MFSD2A: variants seen among roughly 807,000 people sequenced by gnomAD.
The protein encoded by MFSD2A is MFSD2 lysolipid transporter A, lysophospholipid.
A neutral mutation model predicts 64.7 loss-of-function variants in MFSD2A; 27 were observed. The ratio of observed to expected loss-of-function variants is 0.42; its 90% CI spans 0.31 to 0.58. The LOEUF (loss-of-function observed/expected upper bound fraction) is 0.58. MFSD2A is among the 20% of genes least tolerant of loss of function. MFSD2A has a pLI of 0.18. For missense variants in MFSD2A, 474 were observed against 679.5 expected (o/e 0.70, Z 3.36); for synonymous variants, 258 against 273.4 (o/e 0.94, Z 0.55).
chr1:39,959,070 C>T (rs905205633), intron 3 of MFSD2A, among the ~76,000 whole-genome samples: 24 of 152,154 alleles, frequency 1.6e-4, no homozygotes, highest in African/African-American at 5.1e-4. Context: ...CATTCCTCCC[C>T]AGGGTCCACT....
chr1:39,965,989 A>G lies in MFSD2A; in HGVS notation c.689A>G (p.His230Arg), dbSNP rs535835616. 21 of 1,614,142 alleles carry G rather than the reference A, an allele frequency of 1.3e-5. No homozygotes were observed. The African/African-American group carries it at 2.4e-4, about 18-fold the overall frequency. ...GCTTCACAAAGTGCCAACCATACAC[A>G]TGGCACCACCTCACACAGGGAAACG... ...TVASQSANHTHGTTSHRETQK... is the reference protein window; with the variant it reads ...TVASQSANHTRGTTSHRETQK... The change falls in exon 6 of 14, where the codon CAT becomes CGT. Residue 230 changes from histidine (H) to arginine (R), a missense_variant. His to Arg is a conservative substitution (Grantham distance 29, BLOSUM62 0). Transcript: ENST00000372811. This position sits in a 1 kb window ranked among gnomAD's most constrained non-coding sequence, Gnocchi z 5.5.
rs969183707 is a variant in MFSD2A, at chr1:39,964,260, A to G, written c.354-951A>G. 2.6e-5 allele frequency: 4 copies of G among 152,236 alleles called. No individual in the cohort carries two copies. Among genetic ancestry groups the G allele is most frequent in the Non-Finnish European group, 5.9e-5 (4 of 68,042 alleles). 9.4% of individuals were successfully genotyped at this position (152,236 alleles called of 1,614,324 possible). A position where few individuals can be genotyped will look rare whatever the true frequency, so the allele number is the denominator to read the frequency against. On this transcript the variant is annotated intron_variant, in intron 3 of 13. Transcript: ENST00000372811. This position sits in a 1 kb window ranked among gnomAD's most constrained non-coding sequence, Gnocchi z 4.1. The stretch of plus-strand genomic sequence containing the variant: ...TCAACTTTTCTGTTTGCCAACTAGT[A>G]TGTAAGTTCCACAAGGGCAATGATT...
chr1:39,968,516 C>T lies in MFSD2A; in HGVS notation c.1352+39C>T, dbSNP rs1476272726. On this transcript the variant is annotated intron_variant, in intron 12 of 13. Transcript: ENST00000372811. The surrounding 1 kb of genome is among the most constrained non-coding windows in gnomAD (Gnocchi z 4.4). ...GGACCTGGGGCAGGACTGGGCAGGG[C>T]CAGGCCCCAGGTGCCCCATCTTCAC... 6.2e-7 allele frequency: 1 copy of T among 1,613,578 alleles called. No individual in the cohort carries two copies. Among genetic ancestry groups the T allele is most frequent in the East Asian group, 2.2e-5 (1 of 44,872 alleles).
chr1:39,955,355 C>T lies in MFSD2A; in HGVS notation c.63C>T (p.Leu21=), dbSNP rs1644902632. The stretch of plus-strand genomic sequence containing the variant: ...CGGGGCTGCTACCCACCAGCATCCT[C>T]CAAAGCACTGAACGCCCGGCCCAGG... The part of the protein sequence containing the change: ...SAAGLLPTSI[L]QSTERPAQVK... Residue 21 remains leucine, a synonymous_variant, in exon 1 of 14, where the codon CTC becomes CTT. Coordinates refer to ENST00000372811, the MANE Select transcript of MFSD2A (RefSeq NM_032793.5). The surrounding 1 kb of genome is among the most constrained non-coding windows in gnomAD (Gnocchi z 5.9). The T allele has an allele frequency of 1.3e-6, 2 of 1,492,466 alleles. No homozygotes were observed. The highest frequency in any genetic ancestry group is 1.4e-5 in the African/African-American group (1 of 70,232). The allele number at this position is 1,492,466 out of a possible 1,614,324, so 92.5% of individuals were successfully genotyped here. A position where few individuals can be genotyped will look rare whatever the true frequency, so the allele number is the denominator to read the frequency against.
Position 39,965,852 on chromosome 1 carries a change from G to A in MFSD2A, c.557-5G>A. On this transcript the variant is annotated splice_region_variant and splice_polypyrimidine_tract_variant and intron_variant, in intron 5 of 13. Coordinates refer to ENST00000372811, the MANE Select transcript of MFSD2A (RefSeq NM_032793.5). This position sits in a 1 kb window ranked among gnomAD's most constrained non-coding sequence, Gnocchi z 5.5. Reference sequence around the variant, plus strand: ...CCTCCAAAACACCTCCTTTTCTCCTGCCAGGGATGACTGTGGAAGTGCTGG... The same window carrying A: ...CCTCCAAAACACCTCCTTTTCTCCTACCAGGGATGACTGTGGAAGTGCTGG... 1 of 1,613,552 alleles carries A rather than the reference G, an allele frequency of 6.2e-7. No individual in the cohort carries two copies. The highest frequency in any genetic ancestry group is 8.5e-7 in the Non-Finnish European group (1 of 1,179,958).
At chr1:39,961,317 C>T (rs1054392474) in intron 3 of MFSD2A, among the ~76,000 whole-genome samples, 3 of 2,678 alleles carry the variant, frequency 1.1e-3, no homozygotes, top group Non-Finnish European at 4.1e-3. Flanking sequence ...GACTTTTCTT[C>T]CCGCCCCCGC....
Position 39,968,073 on chromosome 1 carries a change from A to C in MFSD2A, c.1208+157A>C. 3.1e-6 allele frequency: 2 copies of C among 638,794 alleles called. No homozygotes were observed. The highest frequency in any genetic ancestry group is 3.9e-5 in the South Asian group (2 of 50,662). 39.6% of individuals were successfully genotyped at this position (638,794 alleles called of 1,614,324 possible). A position where few individuals can be genotyped will look rare whatever the true frequency, so the allele number is the denominator to read the frequency against. On this transcript the variant is annotated intron_variant, in intron 11 of 13. Coordinates refer to ENST00000372811, the MANE Select transcript of MFSD2A (RefSeq NM_032793.5). This position sits in a 1 kb window ranked among gnomAD's most constrained non-coding sequence, Gnocchi z 4.4. ...GTCTGTCCTGTACAGTTGTACAGGTAGTGAGCTTTGCAAGAACACCTAGTC... is the reference window on the plus strand; with the variant it reads ...GTCTGTCCTGTACAGTTGTACAGGTCGTGAGCTTTGCAAGAACACCTAGTC...
In MFSD2A at chr1:39,955,847, C is replaced by G. The variant is rs1239806538; in HGVS notation, c.93+462C>G. ...CATTCATAAGAACAAGAGCTCTGCT[C>G]TTAAAGGAGCCGCGTCCCTCAGGCA... is the stretch of plus-strand genomic sequence containing the variant. On this transcript the variant is annotated intron_variant, in intron 1 of 13. Coordinates refer to ENST00000372811, the MANE Select transcript of MFSD2A (RefSeq NM_032793.5). This position sits in a 1 kb window ranked among gnomAD's most constrained non-coding sequence, Gnocchi z 5.9. The G allele has an allele frequency of 1.1e-5, 3 of 283,970 alleles. No individual in the cohort carries two copies. The highest frequency in any genetic ancestry group is 1.0e-4 in the Admixed American group (2 of 19,488). 17.6% of individuals were successfully genotyped at this position (283,970 alleles called of 1,614,324 possible). A position where few individuals can be genotyped will look rare whatever the true frequency, so the allele number is the denominator to read the frequency against.
Position 39,964,904 on chromosome 1 carries a change from G to C in MFSD2A, c.354-307G>C, listed in dbSNP as rs1645124253. On this transcript the variant is annotated intron_variant, in intron 3 of 13. Coordinates refer to ENST00000372811, the MANE Select transcript of MFSD2A (RefSeq NM_032793.5). The surrounding 1 kb of genome is among the most constrained non-coding windows in gnomAD (Gnocchi z 4.1). Reference sequence around the variant, plus strand: ...TTTGCCTCCTTGCCCAGGCACCTGAGGTCTTGGACTCCTGTCCTAACTCTC... The same window carrying C: ...TTTGCCTCCTTGCCCAGGCACCTGACGTCTTGGACTCCTGTCCTAACTCTC... 2.5e-6 allele frequency: 1 copy of C among 395,098 alleles called. No homozygotes were observed. Among genetic ancestry groups the C allele is most frequent in the Non-Finnish European group, 4.7e-6 (1 of 214,662 alleles). The allele number at this position is 395,098 out of a possible 1,614,324, so 24.5% of individuals were successfully genotyped here. A position where few individuals can be genotyped will look rare whatever the true frequency, so the allele number is the denominator to read the frequency against.
intron 3 of MFSD2A, among the ~76,000 whole-genome samples, chr1:39,961,537 C>G (rs763156852): frequency 5.3e-5 from 8 of 151,812 alleles, no homozygotes; most frequent in Non-Finnish European, 1.0e-4. Context: ...TTAGTAGAGA[C>G]GAGGTTTCAC....
chr1:39,955,626 G>A lies in MFSD2A; in HGVS notation c.93+241G>A. 2.9e-6 allele frequency: 2 copies of A among 687,610 alleles called. No homozygotes were observed. The highest frequency in any genetic ancestry group is 1.8e-5 in the African/African-American group (1 of 57,034). 42.6% of individuals were successfully genotyped at this position (687,610 alleles called of 1,614,324 possible). A position where few individuals can be genotyped will look rare whatever the true frequency, so the allele number is the denominator to read the frequency against. On this transcript the variant is annotated intron_variant, in intron 1 of 13. Coordinates refer to ENST00000372811, the MANE Select transcript of MFSD2A (RefSeq NM_032793.5). This position sits in a 1 kb window ranked among gnomAD's most constrained non-coding sequence, Gnocchi z 5.9. ...GCTCTGCGGAGAGGCTCTGCCGGCAGCCCCATGTGATTCCCCGCTCTGCCT... is the reference window on the plus strand; with the variant it reads ...GCTCTGCGGAGAGGCTCTGCCGGCAACCCCATGTGATTCCCCGCTCTGCCT...
chr1:39,958,920 G>A lies in MFSD2A; in HGVS notation c.353+95G>A. 7.1e-7 allele frequency: 1 copy of A among 1,415,088 alleles called. No homozygotes were observed. Among genetic ancestry groups the A allele is most frequent in the Non-Finnish European group, 9.5e-7 (1 of 1,047,738 alleles). 87.7% of individuals were successfully genotyped at this position (1,415,088 alleles called of 1,614,324 possible). On this transcript the variant is annotated intron_variant, in intron 3 of 13. Coordinates refer to ENST00000372811, the MANE Select transcript of MFSD2A (RefSeq NM_032793.5). This position sits in a 1 kb window ranked among gnomAD's most constrained non-coding sequence, Gnocchi z 4.7. The stretch of plus-strand genomic sequence containing the variant: ...TCTCTGTCTTGTCACAGGCAGAAGG[G>A]TGAGGAGAAGGAAGGAGTTAAAAGC...
chr1:39,967,518 A>G (rs1645189967), intron 9 of MFSD2A, 110 bp from the exon 10 acceptor site: 2 of 973,822 alleles, frequency 2.1e-6, no homozygotes, highest in Non-Finnish European at 3.3e-6. Flanking sequence ...ACATGATGTC[A>G]TCTGGCTGCT....
intron 3 of MFSD2A, among the ~76,000 whole-genome samples, chr1:39,959,236 TTCTA>T (rs544557344): frequency 1.7e-3 from 265 of 151,948 alleles, no homozygotes; most frequent in African/African-American, 6.0e-3. Context: ...CTTTCTTTCT[TTCTA>T]TCTTTCTTTC....
Position 39,968,547 on chromosome 1 carries a change from T to C in MFSD2A, c.1353-22T>C, listed in dbSNP as rs560100382. Reference sequence around the variant, plus strand: ...CCCAGGTGCCCCATCTTCACCGTTCTCCTACCCCCTGGGTCCCATAGCTTT... The same window carrying C: ...CCCAGGTGCCCCATCTTCACCGTTCCCCTACCCCCTGGGTCCCATAGCTTT... On this transcript the variant is annotated intron_variant, in intron 12 of 13. Transcript: ENST00000372811. The surrounding 1 kb of genome is among the most constrained non-coding windows in gnomAD (Gnocchi z 4.4). 4.3e-6 allele frequency: 7 copies of C among 1,613,870 alleles called. 1 individual carries two copies. The highest frequency in any genetic ancestry group is 1.6e-4 in the Middle Eastern group (1 of 6,062).
In MFSD2A at chr1:39,968,126, G is replaced by A. The variant is rs1557640307; in HGVS notation, c.1209-208G>A. 3.0e-6 allele frequency: 2 copies of A among 671,910 alleles called. No individual in the cohort carries two copies. Among genetic ancestry groups the A allele is most frequent in the Non-Finnish European group, 5.0e-6 (2 of 400,880 alleles). The allele number at this position is 671,910 out of a possible 1,614,324, so 41.6% of individuals were successfully genotyped here. On this transcript the variant is annotated intron_variant, in intron 11 of 13. Coordinates refer to ENST00000372811, the MANE Select transcript of MFSD2A (RefSeq NM_032793.5). The surrounding 1 kb of genome is among the most constrained non-coding windows in gnomAD (Gnocchi z 4.4). Reference sequence around the variant, plus strand: ...AGTGAAAAATGGGGGCTGTAATCTGGCCTGGGCTCCACTTGCCACGCTGAG... The same window carrying A: ...AGTGAAAAATGGGGGCTGTAATCTGACCTGGGCTCCACTTGCCACGCTGAG...
At chr1:39,962,831 CTT>C in intron 3 of MFSD2A, 1 of 1,475,756 alleles carries the variant, frequency 6.8e-7, no homozygotes, top group Non-Finnish European at 9.3e-7. Flanking sequence ...AGATCATTGA[CTT>C]TTTCCTGGGG....
intron 3 of MFSD2A, among the ~76,000 whole-genome samples, chr1:39,961,995 T>G (rs941405426): frequency 6.6e-6 from 1 of 152,258 alleles, no homozygotes; most frequent in African/African-American, 2.4e-5. Flanking sequence ...CCAACTCTCC[T>G]GCTGAGCTTC....
At position 39,963,318 on chromosome 1, in the gene MFSD2A, G is replaced by C; in HGVS notation, c.354-1893G>C. ...CTACCTGACCCCCGACCTCTGGAAG[G>C]AGACTGTATTCACCAAGTCTCCCGA... On this transcript the variant is annotated intron_variant, in intron 3 of 13. Transcript: ENST00000372811. The surrounding 1 kb of genome is among the most constrained non-coding windows in gnomAD (Gnocchi z 4.2). 8.1e-7 allele frequency: 1 copy of C among 1,240,048 alleles called. No individual in the cohort carries two copies. Among genetic ancestry groups the C allele is most frequent in the Non-Finnish European group, 1.1e-6 (1 of 871,196 alleles). The allele number at this position is 1,240,048 out of a possible 1,614,324, so 76.8% of individuals were successfully genotyped here. A position where few individuals can be genotyped will look rare whatever the true frequency, so the allele number is the denominator to read the frequency against.
Sources: allele counts gnomAD v4.1 joint callset (sites outside exome capture counted in the v4.1 genomes callset), GRCh38; gene constraint gnomAD v4.1.1; non-coding constraint Gnocchi (gnomAD v3.1); transcripts MANE v1.5; gene names NCBI Gene and HGNC (gene_info 2026-07-23, HGNC 2026-07-21).